Variants in AKAP19 observed in about 807,000 individuals in gnomAD.
AKAP19 encodes A-kinase anchoring protein 19, also known as small A-kinase anchoring protein.
the AKAP19 span, among the ~76,000 whole-genome samples, chr2:190,034,233 G>GT: frequency 6.6e-6 from 1 of 151,852 alleles, no homozygotes; most frequent in African/African-American, 2.4e-5. Context: ...TTAAATAAAT[G>GT]TTTTTTCACA....
At chr2:189,931,468 C>T in the AKAP19 span, among the ~76,000 whole-genome samples, 1 of 152,160 alleles carries the variant, frequency 6.6e-6, no homozygotes, top group Non-Finnish European at 1.5e-5. Context: ...CTCAAACAGT[C>T]CTCCTGTGTC....
At chr2:189,938,336 CA>C in the AKAP19 span, among the ~76,000 whole-genome samples, 1,648 of 68,978 alleles carry the variant, frequency 0.024, 17 homozygotes, top group African/African-American at 0.07. Context: ...ACTCCATCTC[CA>C]AAAAAAAAAA....
chr2:189,965,894 C>T, the AKAP19 span, among the ~76,000 whole-genome samples: 4 of 151,964 alleles, frequency 2.6e-5, no homozygotes, highest in Non-Finnish European at 5.9e-5. Flanking sequence ...GTGGAATCAG[C>T]CCAAATGCCC....
chr2:190,043,679 T>C, the AKAP19 span, among the ~76,000 whole-genome samples: 2 of 152,226 alleles, frequency 1.3e-5, no homozygotes, highest in African/African-American at 4.8e-5. Context: ...ATGTTCTGAA[T>C]TCTATTTCTG....
the AKAP19 span, among the ~76,000 whole-genome samples, chr2:189,950,673 C>T: frequency 6.6e-6 from 1 of 152,042 alleles, no homozygotes; most frequent in Non-Finnish European, 1.5e-5. Flanking sequence ...ACAAATATTC[C>T]AAGACATGTA....
chr2:189,959,444 A>T, the AKAP19 span, among the ~76,000 whole-genome samples: 1 of 152,118 alleles, frequency 6.6e-6, no homozygotes, highest in African/African-American at 2.4e-5. Flanking sequence ...TTAAATGTAC[A>T]CTGATTTTTT....
chr2:190,042,543 G>A, the AKAP19 span, among the ~76,000 whole-genome samples: 4 of 151,064 alleles, frequency 2.6e-5, no homozygotes, highest in East Asian at 5.8e-4. Context: ...GTTATTTCTC[G>A]TCTTCTGCTA....
At chr2:189,918,884 G>A in the AKAP19 span, among the ~76,000 whole-genome samples, 77 of 152,280 alleles carry the variant, frequency 5.1e-4, no homozygotes, top group African/African-American at 1.9e-3. Context: ...ATTATGTTAA[G>A]TGAAAGAACC....
chr2:190,037,201 G>C, the AKAP19 span, among the ~76,000 whole-genome samples: 1 of 152,282 alleles, frequency 6.6e-6, no homozygotes, highest in South Asian at 2.1e-4. Flanking sequence ...TCTAAGACTT[G>C]ATCTGATTTT....
the AKAP19 span, among the ~76,000 whole-genome samples, chr2:190,041,934 G>T: frequency 2.0e-5 from 3 of 151,986 alleles, no homozygotes; most frequent in Admixed American, 2.0e-4. Context: ...TTTTTTTAAG[G>T]ATTTTTGTAT....
the AKAP19 span, among the ~76,000 whole-genome samples, chr2:189,993,061 G>A: frequency 6.6e-6 from 1 of 152,190 alleles, no homozygotes; most frequent in African/African-American, 2.4e-5. Flanking sequence ...ATATTGAATA[G>A]CAATGGTGAA....
At chr2:190,196,264 C>A in the AKAP19 span, among the ~76,000 whole-genome samples, 1 of 152,002 alleles carries the variant, frequency 6.6e-6, no homozygotes, top group East Asian at 1.9e-4. Context: ...CTTTTCCCTC[C>A]ATTTTTCAGA....
the AKAP19 span, among the ~76,000 whole-genome samples, chr2:190,129,299 A>C: frequency 6.6e-5 from 10 of 152,352 alleles, no homozygotes; most frequent in East Asian, 7.7e-4. Context: ...TCAATTAAAA[A>C]ATTGGACCCA....
the AKAP19 span, among the ~76,000 whole-genome samples, chr2:190,179,887 T>A: frequency 2.5e-4 from 38 of 152,288 alleles, no homozygotes; most frequent in African/African-American, 8.7e-4. The surrounding 1 kb of genome is among the most constrained non-coding windows in gnomAD (Gnocchi z 6.0). Context: ...TAATGGTTCT[T>A]TTGTAGTTCT....
the AKAP19 span, among the ~76,000 whole-genome samples, chr2:190,022,146 T>C: frequency 2.3e-4 from 35 of 152,254 alleles, no homozygotes; most frequent in African/African-American, 6.3e-4. Context: ...CCCAGCCACC[T>C]CTTAAAGGCC....
the AKAP19 span, among the ~76,000 whole-genome samples, chr2:190,133,967 C>T: frequency 6.6e-6 from 1 of 152,084 alleles, no homozygotes; most frequent in African/African-American, 2.4e-5. Context: ...TTGAAATTTG[C>T]TTAGAGAGTA....
chr2:189,892,313 G>A, the AKAP19 span, among the ~76,000 whole-genome samples: 3 of 152,106 alleles, frequency 2.0e-5, no homozygotes, highest in South Asian at 2.1e-4. Flanking sequence ...GAGAAGAGGC[G>A]TTTTGGTTTT....
chr2:190,077,213 T>C, the AKAP19 span, among the ~76,000 whole-genome samples: 1 of 152,018 alleles, frequency 6.6e-6, no homozygotes, highest in Non-Finnish European at 1.5e-5. Flanking sequence ...GCAAATTCCA[T>C]TATCTATGTC....
At chr2:189,995,637 G>A in the AKAP19 span, among the ~76,000 whole-genome samples, 245 of 151,344 alleles carry the variant, frequency 1.6e-3, no homozygotes, top group African/African-American at 5.8e-3. Context: ...AAGATGTGAG[G>A]TACTGTTCTA....
Sources: gnomAD v4.1 joint callset for allele counts (sites outside exome capture counted in the v4.1 genomes callset) on GRCh38, gnomAD v4.1.1 for gene constraint, Gnocchi (gnomAD v3.1) non-coding constraint, MANE v1.5 for transcripts, NCBI Gene and HGNC (gene_info 2026-07-23, HGNC 2026-07-21) for gene names.